Variants in IRS2 observed in about 807,000 individuals in gnomAD.
IRS2 encodes the protein insulin receptor substrate 2.
A neutral mutation model predicts 70.9 loss-of-function variants in IRS2; 28 were observed. That is an observed-to-expected ratio of 0.39 (90% CI 0.29 to 0.54). The LOEUF is 0.54. Ranked by LOEUF, IRS2 falls within the 20% of genes least tolerant of loss-of-function variation. IRS2 has a pLI of 0.59. For synonymous variants in IRS2, 1,217 were observed against 981.9 expected, an observed-to-expected ratio of 1.24 and a Z score of -4.48; for missense variants, 2,081 against 2,024.1, an observed-to-expected ratio of 1.03 and a Z score of -0.54.
chr13:109,784,041 C>T lies in IRS2; in HGVS notation c.2013G>A (p.Arg671=), dbSNP rs1346587234. Residue 671 remains arginine, a synonymous_variant, in exon 1 of 2, where the codon AGG becomes AGA. Coordinates refer to ENST00000375856, the MANE Select transcript of IRS2 (RefSeq NM_003749.3). The surrounding 1 kb of genome is among the most constrained non-coding windows in gnomAD (Gnocchi z 5.2). ...ALAGSGSGSC[R]SDDYMPMSPA... Reference sequence around the variant, plus strand: ...GGCTCATGGGCATGTAGTCGTCGCTCCTGCAGCTGCCGCTCCCACTGCCCG... The same window carrying T: ...GGCTCATGGGCATGTAGTCGTCGCTTCTGCAGCTGCCGCTCCCACTGCCCG... 11 of 1,544,634 alleles carry T rather than the reference C, an allele frequency of 7.1e-6. No individual in the cohort carries two copies. Among genetic ancestry groups the T allele is most frequent in the Non-Finnish European group, 8.7e-6 (10 of 1,150,624 alleles).
chr13:109,783,233 A>T lies in IRS2; in HGVS notation c.2821T>A (p.Ser941Thr). 6.9e-7 allele frequency: 1 copy of T among 1,451,044 alleles called. No homozygotes were observed. The highest frequency in any genetic ancestry group is 9.1e-7 in the Non-Finnish European group (1 of 1,104,878). The allele number at this position is 1,451,044 out of a possible 1,614,324, so 89.9% of individuals were successfully genotyped here. A position where few individuals can be genotyped will look rare whatever the true frequency, so the allele number is the denominator to read the frequency against. ...LSPPAPPLLA[S>T]AASSSSLLSA... The stretch of plus-strand genomic sequence containing the variant: ...AAGAGCGAGGAGGACGAGGCCGCCG[A>T]CGCCAGCAGGGGAGGCGCGGGCGGC... The change falls in exon 1 of 2, where the codon TCG (serine) becomes ACG (threonine). Residue 941 changes from serine (S) to threonine (T), a missense_variant. Physicochemically the swap from Ser to Thr is moderately conservative, Grantham distance 58 (BLOSUM62 1). Coordinates refer to ENST00000375856, the MANE Select transcript of IRS2 (RefSeq NM_003749.3).
intron 1 of IRS2, among the ~76,000 whole-genome samples, chr13:109,766,967 C>T (rs563996582): frequency 1.3e-5 from 2 of 152,242 alleles, no homozygotes; most frequent in African/African-American, 2.4e-5. Context: ...TCTTTAGCCT[C>T]GGTAGAACCT....
In IRS2 at chr13:109,784,379, C is replaced by T. The variant is rs756676746; in HGVS notation, c.1675G>A (p.Val559Ile). The T allele has an allele frequency of 1.9e-6, 3 of 1,610,412 alleles. No individual in the cohort carries two copies. The highest frequency in any genetic ancestry group is 1.7e-6 in the Non-Finnish European group (2 of 1,179,448). ...LSHCGRSYRR[V>I]SGDAAQDLDR... ...AGGTCCTGGGCCGCGTCCCCCGAGACCCGGCGGTAGGAGCGGCCACAGTGG... is the reference window on the plus strand; with the variant it reads ...AGGTCCTGGGCCGCGTCCCCCGAGATCCGGCGGTAGGAGCGGCCACAGTGG... Residue 559 changes from valine to isoleucine, a missense_variant, in exon 1 of 2, where the codon GTC becomes ATC. By Grantham distance (29) the Val-to-Ile change is conservative. Around this residue, in one of 4 missense-constraint regions of IRS2, gnomAD observed 1,615 missense variants for 1,459.5 expected, o/e 1.11. Transcript: ENST00000375856. The surrounding 1 kb of genome is among the most constrained non-coding windows in gnomAD (Gnocchi z 5.2).
Position 109,784,983 on chromosome 13 carries a change from G to A in IRS2, c.1071C>T (p.Ser357=), listed in dbSNP as rs1457463985. Residue 357 remains serine, a synonymous_variant, in exon 1 of 2, where the codon AGC becomes AGT. Transcript: ENST00000375856. This position sits in a 1 kb window ranked among gnomAD's most constrained non-coding sequence, Gnocchi z 5.2. ...LAATPPAAKC[S]SCRVRTASEG... is the part of the protein sequence containing the mutation. ...CGCTGGCGGTGCGCACCCGGCACGA[G>A]CTGCACTTGGCCGCCGGCGGGGTGG... The A allele has an allele frequency of 1.5e-6, 2 of 1,371,798 alleles. No individual in the cohort carries two copies. Among genetic ancestry groups the A allele is most frequent in the African/African-American group, 1.5e-5 (1 of 64,994 alleles). The allele number at this position is 1,371,798 out of a possible 1,614,324, so 85.0% of individuals were successfully genotyped here. A position where few individuals can be genotyped will look rare whatever the true frequency, so the allele number is the denominator to read the frequency against.
chr13:109,766,606 C>T (rs1428006055), intron 1 of IRS2, among the ~76,000 whole-genome samples: 1 of 57,456 alleles, frequency 1.7e-5, no homozygotes, highest in African/African-American at 4.2e-5. Context: ...ATCCCAGCCT[C>T]ATCCACCCTG....
rs1877755361 is a variant in IRS2, at chr13:109,782,823, A to G, written c.3231T>C (p.Phe1077=). The G allele has an allele frequency of 6.3e-7, 1 of 1,589,906 alleles. No homozygotes were observed. Among genetic ancestry groups the G allele is most frequent in the Non-Finnish European group, 8.5e-7 (1 of 1,169,770 alleles). Residue 1077 remains phenylalanine, a synonymous_variant, in exon 1 of 2, where the codon TTT becomes TTC. Transcript: ENST00000375856. ...GDNGDYTEMA[F]GVAATPPQPI... The stretch of plus-strand genomic sequence containing the variant: ...GTTGCGGCGGGGTGGCGGCCACACC[A>G]AAAGCCATCTCGGTGTAGTCACCAT...
Position 109,784,293 on chromosome 13 carries a change from C to T in IRS2, c.1761G>A (p.Val587=), listed in dbSNP as rs778508652. The change falls in exon 1 of 2, where the codon GTG becomes GTA. Residue 587 remains valine, a synonymous_variant. Transcript: ENST00000375856. This position sits in a 1 kb window ranked among gnomAD's most constrained non-coding sequence, Gnocchi z 5.2. ...CCAGCGAGGCAGAGGAGGGCTGGGG[C>T]ACCGGCCGCTGCCGGGCTGGCGTGG... The part of the protein sequence containing the change: ...SLTTPARQRP[V]PQPSSASLDE... The T allele has an allele frequency of 3.8e-6, 6 of 1,598,230 alleles. No individual in the cohort carries two copies. The highest frequency in any genetic ancestry group is 2.2e-5 in the South Asian group (2 of 90,488).
intron 1 of IRS2, among the ~76,000 whole-genome samples, chr13:109,778,970 C>G (rs927574512): frequency 1.3e-5 from 2 of 152,160 alleles, no homozygotes; most frequent in Admixed American, 1.3e-4. Flanking sequence ...AACAACGAAA[C>G]CTAACAAATT....
intron 1 of IRS2, among the ~76,000 whole-genome samples, chr13:109,779,659 T>G (rs1877654160): frequency 6.6e-6 from 1 of 152,238 alleles, no homozygotes; most frequent in Non-Finnish European, 1.5e-5. Flanking sequence ...TTTCTTTTTT[T>G]TTAAATGTCG....
In IRS2 at chr13:109,753,483, C is replaced by T. The variant is rs1192833154; in HGVS notation, c.*2821G>A. ...ACACAAGTCTCTTAGCATTTTTGTA[C>T]CTCGGGCTCCTCCTCTGTAGAATGA... On this transcript the variant is annotated 3_prime_UTR_variant, in exon 2 of 2. Transcript: ENST00000375856. 1.3e-5 allele frequency: 2 copies of T among 152,216 alleles called. No individual in the cohort carries two copies. Among genetic ancestry groups the T allele is most frequent in the Non-Finnish European group, 2.9e-5 (2 of 68,080 alleles). 9.4% of individuals were successfully genotyped at this position (152,216 alleles called of 1,614,324 possible). A position where few individuals can be genotyped will look rare whatever the true frequency, so the allele number is the denominator to read the frequency against.
rs1001641034 is a variant in IRS2 at position 109,754,430 on chromosome 13, T to A, written c.*1874A>T. 1 of 207,370 alleles carries A rather than the reference T, an allele frequency of 4.8e-6. No individual in the cohort carries two copies. The highest frequency in any genetic ancestry group is 2.3e-5 in the African/African-American group (1 of 43,884). The allele number at this position is 207,370 out of a possible 1,614,324, so 12.8% of individuals were successfully genotyped here. A position where few individuals can be genotyped will look rare whatever the true frequency, so the allele number is the denominator to read the frequency against. On this transcript the variant is annotated 3_prime_UTR_variant, in exon 2 of 2. Transcript: ENST00000375856. ...CGTCAATACACTGCTTTCAGCAGGGTCCATATTCAGTCCCTATCGTACCTG... is the reference window on the plus strand; with the variant it reads ...CGTCAATACACTGCTTTCAGCAGGGACCATATTCAGTCCCTATCGTACCTG...
chr13:109,769,545 G>A (rs4773089), intron 1 of IRS2, among the ~76,000 whole-genome samples: 45,565 of 151,848 alleles, frequency 0.3, 6,937 homozygotes, highest in Middle Eastern at 0.46. Flanking sequence ...CTGTAAGACC[G>A]GCTTCCCCTG....
In IRS2 at chr13:109,784,320, C is replaced by A. The variant is rs61743905; in HGVS notation, c.1734G>T (p.Leu578=). ...CCGGCCGCTGCCGGGCTGGCGTGGT[C>A]AGGGAGTAGGTCCTCTTGCGCAGCC... The part of the protein sequence containing the change: ...DRGLRKRTYS[L]TTPARQRPVP... The change falls in exon 1 of 2, where the codon CTG becomes CTT. Residue 578 remains leucine (L), a synonymous_variant. Transcript: ENST00000375856. The surrounding 1 kb of genome is among the most constrained non-coding windows in gnomAD (Gnocchi z 5.2). 6.2e-7 allele frequency: 1 copy of A among 1,604,820 alleles called. No individual in the cohort carries two copies.
At chr13:109,779,873 C>T (rs1024556038) in intron 1 of IRS2, among the ~76,000 whole-genome samples, 2 of 152,144 alleles carry the variant, frequency 1.3e-5, no homozygotes, top group Admixed American at 1.3e-4. Flanking sequence ...AGGAATTTTA[C>T]GCAGGTGGGA....
Position 109,772,373 on chromosome 13 carries a change from T to A in IRS2, c.4012+9669A>T, listed in dbSNP as rs140981403. Among the ~76,000 whole-genome samples, 294 of 152,320 alleles carry A rather than the reference T, an allele frequency of 1.9e-3. 1 individual carries two copies. The highest frequency in any genetic ancestry group is 6.7e-3 in the African/African-American group (278 of 41,580). On this transcript the variant is annotated intron_variant, in intron 1 of 1. Coordinates refer to ENST00000375856, the MANE Select transcript of IRS2 (RefSeq NM_003749.3). ...AAGACCCCCAGACCACACGTCTGCA[T>A]CAGTTTTCCTGACTAAATTGGTGGG...
At chr13:109,771,604 G>A (rs1283213865) in intron 1 of IRS2, among the ~76,000 whole-genome samples, 1 of 152,182 alleles carries the variant, frequency 6.6e-6, no homozygotes, top group Non-Finnish European at 1.5e-5. Flanking sequence ...TTTGTTTTCT[G>A]TTTCATTTGC....
In IRS2 at chr13:109,783,792, C is replaced by G. The variant is rs1356522023; in HGVS notation, c.2262G>C (p.Glu754Asp). The G allele has an allele frequency of 6.3e-7, 1 of 1,597,746 alleles. No homozygotes were observed. The highest frequency in any genetic ancestry group is 1.1e-5 in the South Asian group (1 of 88,802). The change falls in exon 1 of 2, where the codon GAG (glutamate) becomes GAC (aspartate). Residue 754 changes from glutamate (E) to aspartate (D), a missense_variant. Physicochemically the swap from Glu to Asp is conservative, Grantham distance 45 (BLOSUM62 2). Transcript: ENST00000375856. ...TGGGCAGCAGCTTGCCATCTGCATG[C>G]TCCATGGACAGCTTGGAACCGCACC... ...RMWCGSKLSM[E>D]HADGKLLPNG...
In IRS2 at chr13:109,783,531, A is replaced by T. The variant is rs2138932896; in HGVS notation, c.2523T>A (p.Pro841=). ...GRILEEERLE[P]QATPGPSQAA... ...CCTGGCTGGGCCCTGGCGTGGCCTG[A>T]GGCTCCAGACGCTCCTCCTCCAGGA... The change falls in exon 1 of 2, where the codon CCT becomes CCA. Residue 841 remains proline (P), a synonymous_variant. Transcript: ENST00000375856. The T allele has an allele frequency of 1.9e-6, 3 of 1,549,086 alleles. No homozygotes were observed. The highest frequency in any genetic ancestry group is 1.7e-6 in the Non-Finnish European group (2 of 1,146,676).
intron 1 of IRS2, among the ~76,000 whole-genome samples, chr13:109,777,982 G>A (rs1011942076): frequency 2.6e-5 from 4 of 152,198 alleles, no homozygotes; most frequent in African/African-American, 9.7e-5. Context: ...TAAGGTGCTG[G>A]CTCCATTTTC....
Sources: gnomAD v4.1 joint callset for allele counts (sites outside exome capture counted in the v4.1 genomes callset) on GRCh38, gnomAD v4.1.1 for gene constraint, gnomAD v4.1.1 regional missense constraint, Gnocchi (gnomAD v3.1) non-coding constraint, MANE v1.5 for transcripts, NCBI Gene and HGNC (gene_info 2026-07-23, HGNC 2026-07-21) for gene names.